HDAC5: variants seen among roughly 807,000 people sequenced by gnomAD.
HDAC5 encodes antigen NY-CO-9.
HDAC5 carries 25 observed loss-of-function variants against 133.3 expected under a neutral mutation model. The observed-to-expected ratio is 0.19, with a 90% CI of 0.14 to 0.26. The LOEUF is 0.26. Among genes scored for constraint, HDAC5 ranks in the 10% least tolerant of loss-of-function variants. The pLI is 1.00. For missense variants in HDAC5, 1,041 were observed against 1,460.5 expected, an observed-to-expected ratio of 0.71 and a Z score of 4.68; for synonymous variants, 589 against 610.8, an observed-to-expected ratio of 0.96 and a Z score of 0.53.
intron 3 of HDAC5, among the ~76,000 whole-genome samples, chr17:44,108,251 G>A (rs922103110): frequency 6.6e-6 from 1 of 152,136 alleles, no homozygotes; most frequent in African/African-American, 2.4e-5. Context: ...TTACCCGCTG[G>A]GGTGACTCAC....
chr17:44,098,455 T>A (rs1453046960), intron 3 of HDAC5, among the ~76,000 whole-genome samples: 1 of 152,038 alleles, frequency 6.6e-6, no homozygotes, highest in Non-Finnish European at 1.5e-5. Flanking sequence ...AAAGGGAACC[T>A]GGGCCAGGCG....
intron 3 of HDAC5, among the ~76,000 whole-genome samples, chr17:44,096,408 C>T (rs1056820285): frequency 6.6e-6 from 1 of 151,446 alleles, no homozygotes; most frequent in Non-Finnish European, 1.5e-5. Context: ...TCTCTCCAGA[C>T]CACCCCCCAG....
chr17:44,122,021 A>C (rs2053037520), intron 1 of HDAC5, among the ~76,000 whole-genome samples: 1 of 152,138 alleles, frequency 6.6e-6, no homozygotes, highest in African/African-American at 2.4e-5. Context: ...CAAAGAGAGG[A>C]GTCAAGAAAA....
At position 44,117,371 on chromosome 17, in the gene HDAC5, C is replaced by T; in HGVS notation, c.22+123G>A. ...CCTTTCTTGCAACACTTCTCCACTCCTTACCCCCTCATTCCCTTATAGCTC... is the reference window on the plus strand; with the variant it reads ...CCTTTCTTGCAACACTTCTCCACTCTTTACCCCCTCATTCCCTTATAGCTC... On this transcript the variant is annotated intron_variant, in intron 2 of 26. Coordinates refer to ENST00000682912, the MANE Select transcript of HDAC5 (RefSeq NM_005474.5). The surrounding 1 kb of genome is among the most constrained non-coding windows in gnomAD (Gnocchi z 4.2). The T allele has an allele frequency of 9.2e-7, 1 of 1,087,520 alleles. No individual in the cohort carries two copies. The allele number at this position is 1,087,520 out of a possible 1,614,324, so 67.4% of individuals were successfully genotyped here. A position where few individuals can be genotyped will look rare whatever the true frequency, so the allele number is the denominator to read the frequency against.
Position 44,083,519 on chromosome 17 carries a change from C to A in HDAC5, c.2463+26G>T, listed in dbSNP as rs1410061657. 4 of 1,554,794 alleles carry A rather than the reference C, an allele frequency of 2.6e-6. No individual in the cohort carries two copies. In the African/African-American group the frequency reaches 5.4e-5, roughly 21 times the overall value. ...TGAGGAGCAGGGCCATGCCAAGGGG[C>A]ACCGAGGTCACAAGCACACGCTCAC... On this transcript the variant is annotated intron_variant, in intron 18 of 26. Transcript: ENST00000682912.
chr17:44,106,069 A>G (rs1298873782), intron 3 of HDAC5, among the ~76,000 whole-genome samples: 1 of 152,316 alleles, frequency 6.6e-6, no homozygotes, highest in South Asian at 2.1e-4. Context: ...CAGCGTCCCC[A>G]GGCTGCCTCC....
intron 11 of HDAC5, among the ~76,000 whole-genome samples, chr17:44,089,931 C>A (rs1457837112): frequency 7.2e-3 from 618 of 86,366 alleles, no homozygotes; most frequent in African/African-American, 8.9e-3. Context: ...GATTCTGTCT[C>A]AAAAAAAAAA....
At chr17:44,122,354 T>C (rs2053062393) in intron 1 of HDAC5, among the ~76,000 whole-genome samples, 2 of 151,976 alleles carry the variant, frequency 1.3e-5, no homozygotes, top group Admixed American at 1.3e-4. Flanking sequence ...CTCCTGGATC[T>C]CACCCTCCCC....
intron 1 of HDAC5, among the ~76,000 whole-genome samples, chr17:44,118,499 G>A (rs532791810): frequency 4.6e-5 from 7 of 152,248 alleles, no homozygotes; most frequent in Admixed American, 3.9e-4. Context: ...CAGTTTGTAC[G>A]AAAGCAACAA....
At position 44,092,803 on chromosome 17, in the gene HDAC5, T is replaced by TC; in HGVS notation, c.644dup (p.Ala216SerfsTer45). 8.7e-6 allele frequency: 2 copies of TC among 229,424 alleles called. No individual in the cohort carries two copies. Among genetic ancestry groups the TC allele is most frequent in the Non-Finnish European group, 7.1e-6 (1 of 140,752 alleles). 14.2% of individuals were successfully genotyped at this position (229,424 alleles called of 1,614,324 possible). On this transcript the variant is annotated frameshift_variant, in exon 7 of 27. Coordinates refer to ENST00000682912, the MANE Select transcript of HDAC5 (RefSeq NM_005474.5). LOFTEE classifies it high-confidence loss of function. ...TCTGGTCCAAAGAAGCATGGTGGGCTCCCCTGGGGTGGGGGGGGGGTGGGG... is the reference window on the plus strand; with the variant it reads ...TCTGGTCCAAAGAAGCATGGTGGGCTCCCCCTGGGGTGGGGGGGGGGTGGGG...
At chr17:44,107,651 C>A (rs1598013765) in intron 3 of HDAC5, among the ~76,000 whole-genome samples, 2 of 150,308 alleles carry the variant, frequency 1.3e-5, no homozygotes, top group South Asian at 2.1e-4. Flanking sequence ...TACCTGATAG[C>A]CTTGTCACTC....
chr17:44,095,390 A>G (rs1486757480), intron 3 of HDAC5, among the ~76,000 whole-genome samples: 1 of 152,150 alleles, frequency 6.6e-6, no homozygotes, highest in Non-Finnish European at 1.5e-5. Flanking sequence ...TGGTTCTAGG[A>G]CTGACAGTGC....
At position 44,078,069 on chromosome 17, in the gene HDAC5, C is replaced by T. The variant is rs1002098763; in HGVS notation, c.*307G>A. The stretch of plus-strand genomic sequence containing the variant: ...CCAGAACTGGAGAGTACTGTCTGGG[C>T]CCCCGTGCCCACCTTGAGCTGGCCC... On this transcript the variant is annotated 3_prime_UTR_variant, in exon 27 of 27. Coordinates refer to ENST00000682912, the MANE Select transcript of HDAC5 (RefSeq NM_005474.5). 12 of 302,492 alleles carry T rather than the reference C, an allele frequency of 4.0e-5. No homozygotes were observed. Among genetic ancestry groups the T allele is most frequent in the Admixed American group, 1.5e-4 (3 of 20,542 alleles). The allele number at this position is 302,492 out of a possible 1,614,324, so 18.7% of individuals were successfully genotyped here.
intron 23 of HDAC5, 187 bp from the exon 24 acceptor site, chr17:44,079,464 AC>A: frequency 1.9e-6 from 1 of 521,376 alleles, no homozygotes; most frequent in Non-Finnish European, 3.4e-6. Context: ...ACATGGTGAA[AC>A]CCCGTCTCTA....
chr17:44,097,277 T>C (rs1452423945), intron 3 of HDAC5, among the ~76,000 whole-genome samples: 5 of 152,230 alleles, frequency 3.3e-5, no homozygotes, highest in Admixed American at 1.3e-4. Flanking sequence ...CAGCATGATG[T>C]AGCAGTCCCC....
At chr17:44,111,176 C>T (rs2052317982) in intron 2 of HDAC5, 2 of 347,530 alleles carry the variant, frequency 5.8e-6, no homozygotes, top group Non-Finnish European at 1.1e-5. Context: ...CTCTGTGTTC[C>T]CTCCCAACCC....
Position 44,092,466 on chromosome 17 carries a change from G to C in HDAC5, c.834C>G (p.Ser278Arg). ...RLKQKVAERR[S>R]SPLLRRKDGT... The stretch of plus-strand genomic sequence containing the variant: ...CATCCTTGCGACGCAGGAGGGGACT[G>C]CTTCTCCGCTCAGCCACCTTCTGTT... Residue 278 changes from serine (S) to arginine (R), a missense_variant, in exon 8 of 27, where the codon AGC becomes AGG. Ser to Arg is a moderately radical substitution (Grantham distance 110, BLOSUM62 -1). This residue lies in a region of HDAC5 where 433 missense variants were observed against 531.6 expected (regional missense o/e 0.81). Coordinates refer to ENST00000682912, the MANE Select transcript of HDAC5 (RefSeq NM_005474.5). 5.6e-6 allele frequency: 9 copies of C among 1,614,048 alleles called. No individual in the cohort carries two copies. Among genetic ancestry groups the C allele is most frequent in the Non-Finnish European group, 7.6e-6 (9 of 1,179,978 alleles).
intron 11 of HDAC5, among the ~76,000 whole-genome samples, chr17:44,089,578 C>G (rs1228741886): frequency 1.3e-5 from 2 of 151,654 alleles, no homozygotes; most frequent in Non-Finnish European, 2.9e-5. Flanking sequence ...AACTTCTTCT[C>G]TAATAAAAAT....
chr17:44,097,222 C>T (rs1431567067), intron 3 of HDAC5, among the ~76,000 whole-genome samples: 1 of 152,274 alleles, frequency 6.6e-6, no homozygotes, highest in Admixed American at 6.5e-5. Flanking sequence ...AGTATGGCCT[C>T]TGGAACCCCC....
Sources: gnomAD v4.1 joint callset for allele counts (sites outside exome capture counted in the v4.1 genomes callset) on GRCh38, gnomAD v4.1.1 for gene constraint, gnomAD v4.1.1 regional missense constraint, Gnocchi (gnomAD v3.1) non-coding constraint, MANE v1.5 for transcripts, NCBI Gene and HGNC (gene_info 2026-07-23, HGNC 2026-07-21) for gene names.